Variants in SCAI observed in about 807,000 individuals in gnomAD.
SCAI encodes the protein protein SCAI.
A neutral mutation model predicts 92.2 loss-of-function variants in SCAI; 24 were observed. The ratio of observed to expected loss-of-function variants is 0.26; its 90% CI spans 0.19 to 0.37. SCAI has a LOEUF of 0.37. Among genes scored for constraint, SCAI ranks in the 10% least tolerant of loss-of-function variants. The pLI is 1.00. For synonymous variants in SCAI, 261 were observed against 258.6 expected, an observed-to-expected ratio of 1.01 and a Z score of -0.09; for missense variants, 450 against 736.2, an observed-to-expected ratio of 0.61 and a Z score of 4.50.
chr9:125,141,886 T>A (rs1269549307), intron 2 of SCAI, among the ~76,000 whole-genome samples: 1 of 152,214 alleles, frequency 6.6e-6, no homozygotes, highest in Non-Finnish European at 1.5e-5. Flanking sequence ...ACATAGAGCA[T>A]TCGTACACAG....
intron 2 of SCAI, among the ~76,000 whole-genome samples, chr9:125,093,962 T>C (rs899505808): frequency 6.6e-6 from 1 of 152,120 alleles, no homozygotes; most frequent in African/African-American, 2.4e-5. Flanking sequence ...GAATGTCTCA[T>C]TGGTACTCCA....
chr9:125,040,087 G>A (rs540414668), intron 3 of SCAI, among the ~76,000 whole-genome samples: 5 of 152,302 alleles, frequency 3.3e-5, no homozygotes, highest in African/African-American at 1.2e-4. Flanking sequence ...GGGGACTGTG[G>A]CTCACACCTA....
At chr9:124,955,752 G>A in intron 17 of SCAI, among the ~76,000 whole-genome samples, 1 of 151,974 alleles carries the variant, frequency 6.6e-6, no homozygotes, top group East Asian at 1.9e-4. Context: ...TTACTAATAA[G>A]GGATATGAAA....
chr9:125,046,242 T>TGCACACAC (rs1833435252), intron 3 of SCAI, among the ~76,000 whole-genome samples: 1 of 98,252 alleles, frequency 1.0e-5, no homozygotes, highest in Non-Finnish European at 2.1e-5. Context: ...CACATATATA[T>TGCACACAC]ACATATATAT....
At chr9:125,047,185 T>G (rs1468002387) in intron 3 of SCAI, among the ~76,000 whole-genome samples, 1 of 152,084 alleles carries the variant, frequency 6.6e-6, no homozygotes, top group Non-Finnish European at 1.5e-5. Context: ...AAGAAGCCTT[T>G]AGGGAAGGTT....
intron 15 of SCAI, chr9:124,974,234 A>G: frequency 2.2e-6 from 1 of 449,028 alleles, no homozygotes; most frequent in South Asian, 1.6e-5. Flanking sequence ...TCTTGAGCCC[A>G]GGAGTTTGAG....
At chr9:125,050,660 A>AC (rs1426171349) in intron 3 of SCAI, among the ~76,000 whole-genome samples, 1 of 151,802 alleles carries the variant, frequency 6.6e-6, no homozygotes, top group Non-Finnish European at 1.5e-5. Context: ...GCAGCTTCAA[A>AC]CCCCCGGGTT....
chr9:124,976,166 T>C lies in SCAI; in HGVS notation c.1347A>G (p.Gly449=). 1.2e-6 allele frequency: 2 copies of C among 1,611,546 alleles called. No individual in the cohort carries two copies. The highest frequency in any genetic ancestry group is 1.7e-6 in the Non-Finnish European group (2 of 1,177,686). Residue 449 remains glycine, a synonymous_variant, in exon 15 of 18, where the codon GGA becomes GGG. Coordinates refer to ENST00000336505, the MANE Select transcript of SCAI (RefSeq NM_001144877.3). ...VAYKNFTNLF[G]QPLVCLLSPT... is the part of the protein sequence containing the mutation. Reference sequence around the variant, plus strand: ...GAGAAAGCAAGCAGACTAGTGGCTGTCCAAACAAGTTTGTGAAATTCTGTA... The same window carrying C: ...GAGAAAGCAAGCAGACTAGTGGCTGCCCAAACAAGTTTGTGAAATTCTGTA...
intron 2 of SCAI, among the ~76,000 whole-genome samples, chr9:125,080,972 T>C (rs768696133): frequency 2.6e-5 from 4 of 152,056 alleles, no homozygotes; most frequent in African/African-American, 4.8e-5. Flanking sequence ...AAAAGGGGAG[T>C]TCCCCTGTAC....
At chr9:125,093,098 T>C (rs1165348144) in intron 2 of SCAI, among the ~76,000 whole-genome samples, 2 of 152,230 alleles carry the variant, frequency 1.3e-5, no homozygotes, top group Admixed American at 6.5e-5. Context: ...CGATGGCTCA[T>C]GCCTATAATC....
chr9:125,018,026 A>G (rs370731711), intron 9 of SCAI, among the ~76,000 whole-genome samples: 11 of 152,056 alleles, frequency 7.2e-5, no homozygotes, highest in Admixed American at 5.3e-4. Context: ...AACAAAACAC[A>G]AAAAACACCA....
intron 13 of SCAI, among the ~76,000 whole-genome samples, chr9:124,998,573 T>C (rs1832293196): frequency 6.6e-6 from 1 of 152,198 alleles, no homozygotes; most frequent in African/African-American, 2.4e-5. Context: ...TATGTTCTAG[T>C]GTTCTATACC....
intron 17 of SCAI, among the ~76,000 whole-genome samples, chr9:124,970,597 A>G (rs1831640056): frequency 6.6e-6 from 1 of 151,696 alleles, no homozygotes; most frequent in African/African-American, 2.4e-5. Flanking sequence ...GTGGGCGCCT[A>G]TAATCCCAGC....
In SCAI at chr9:125,030,343, C is replaced by T. The variant is rs1266774087; in HGVS notation, c.231-604G>A. ...TCATATCTTAGGAGAAAATTAAGAG[C>T]ACTGAGTGTTTCAGCATTTTCAATT... On this transcript the variant is annotated intron_variant, in intron 3 of 17. Coordinates refer to ENST00000336505, the MANE Select transcript of SCAI (RefSeq NM_001144877.3). Among the ~76,000 whole-genome samples the T allele has an allele frequency of 2.0e-5, 3 of 152,226 alleles. No homozygotes were observed. In the East Asian group the frequency reaches 5.8e-4, roughly 29 times the overall value.
chr9:125,076,638 G>T (rs944292416), intron 2 of SCAI, among the ~76,000 whole-genome samples: 4 of 152,172 alleles, frequency 2.6e-5, no homozygotes, highest in Admixed American at 2.6e-4. Flanking sequence ...GTCGAGGCAG[G>T]CAAATTGTTT....
intron 14 of SCAI, among the ~76,000 whole-genome samples, chr9:124,976,399 T>C (rs1831754899): frequency 6.6e-6 from 1 of 152,266 alleles, no homozygotes; most frequent in Non-Finnish European, 1.5e-5. Flanking sequence ...AATAGTTTAC[T>C]GAGTGAACTA....
intron 2 of SCAI, among the ~76,000 whole-genome samples, chr9:125,140,690 CAAAA>C (rs35807255): frequency 6.5e-5 from 5 of 76,508 alleles, no homozygotes; most frequent in African/African-American, 2.6e-4. Context: ...CTTGTCTCTA[CAAAA>C]AAAAAAAAAA....
chr9:125,014,402 G>A (rs1438083312), intron 9 of SCAI, among the ~76,000 whole-genome samples: 2 of 152,152 alleles, frequency 1.3e-5, no homozygotes, highest in Non-Finnish European at 2.9e-5. Context: ...GAAACAGAGA[G>A]CCAAATCATG....
chr9:124,991,634 C>T (rs775156652), intron 14 of SCAI, among the ~76,000 whole-genome samples: 25 of 151,984 alleles, frequency 1.6e-4, no homozygotes, highest in Non-Finnish European at 2.8e-4. Context: ...GTCAGGAGTT[C>T]AAGACCAGCC....
Sources: gnomAD v4.1 joint callset for allele counts (sites outside exome capture counted in the v4.1 genomes callset) on GRCh38, gnomAD v4.1.1 for gene constraint, MANE v1.5 for transcripts, NCBI Gene and HGNC (gene_info 2026-07-23, HGNC 2026-07-21) for gene names.